ANGEL1: variants seen among roughly 807,000 people sequenced by gnomAD.
ANGEL1 encodes angel homolog 1.
Under a neutral mutation model 76.4 loss-of-function variants are expected in ANGEL1, and 62 were observed. The observed-to-expected ratio is 0.81, with a 90% CI of 0.66 to 1.00. The LOEUF (loss-of-function observed/expected upper bound fraction) is 1.00. ANGEL1 is among the 50% of genes least tolerant of loss of function. The pLI is 0.00. For missense variants in ANGEL1, 737 were observed against 836.7 expected, an observed-to-expected ratio of 0.88 and a Z score of 1.47; for synonymous variants, 340 against 331.7, an observed-to-expected ratio of 1.03 and a Z score of -0.27.
At chr14:76,802,345 CT>C (rs1317292177) in intron 7 of ANGEL1, among the ~76,000 whole-genome samples, 4 of 152,056 alleles carry the variant, frequency 2.6e-5, no homozygotes, top group African/African-American at 9.7e-5. Context: ...AGATTCCATG[CT>C]TTTCCTTTTT....
rs780768419 is a variant in ANGEL1 at position 76,809,423 on chromosome 14, C to T, written c.285G>A (p.Met95Ile). ...GLAQSSLALLMDNPGEENAAS... is the reference protein window; with the variant it reads ...GLAQSSLALLIDNPGEENAAS... ...CAGCATTCTCTTCTCCAGGATTATC[C>T]ATCAGAAGTGCCAGGCTGCTCTGGG... Residue 95 changes from methionine (M) to isoleucine (I), a missense_variant, in exon 2 of 10, where the codon ATG becomes ATA. Met to Ile is a conservative substitution (Grantham distance 10, BLOSUM62 1). Coordinates refer to ENST00000251089, the MANE Select transcript of ANGEL1 (RefSeq NM_015305.4). 3.7e-6 allele frequency: 6 copies of T among 1,614,228 alleles called. No homozygotes were observed. The highest frequency in any genetic ancestry group is 5.1e-6 in the Non-Finnish European group (6 of 1,180,042).
At chr14:76,799,749 C>A (rs994000552) in intron 7 of ANGEL1, among the ~76,000 whole-genome samples, 4 of 151,824 alleles carry the variant, frequency 2.6e-5, no homozygotes, top group African/African-American at 9.7e-5. Context: ...CTACAAAATA[C>A]AAAAATTAGC....
rs907611219 is a variant in ANGEL1, at chr14:76,789,392, G to C, written c.1853-4C>G. 1.2e-6 allele frequency: 2 copies of C among 1,614,066 alleles called. No homozygotes were observed. The highest frequency in any genetic ancestry group is 1.7e-6 in the Non-Finnish European group (2 of 1,179,984). On this transcript the variant is annotated splice_region_variant and splice_polypyrimidine_tract_variant and intron_variant, in intron 9 of 9. Coordinates refer to ENST00000251089, the MANE Select transcript of ANGEL1 (RefSeq NM_015305.4). ...CCATCTCGATACAGCCTGTGATCTG[G>C]GGCACAAAGCAGAAGCCAATGGGTA...
At chr14:76,803,596 A>C (rs1894828988) in intron 6 of ANGEL1, 115 bp from the exon 7 acceptor site, 2 of 1,353,168 alleles carry the variant, frequency 1.5e-6, no homozygotes, top group East Asian at 4.7e-5. Context: ...TTCAGAAGAC[A>C]AGGAGATTTT....
chr14:76,812,189 G>T (rs559313552), intron 1 of ANGEL1: 1 of 965,868 alleles, frequency 1.0e-6, no homozygotes, highest in Non-Finnish European at 1.2e-6. Context: ...AGTGGGGGCA[G>T]GAATGCTCCA....
intron 7 of ANGEL1, among the ~76,000 whole-genome samples, chr14:76,793,439 G>A (rs1894479426): frequency 1.9e-5 from 2 of 106,026 alleles, no homozygotes; most frequent in East Asian, 3.0e-4. Context: ...GGAGGAGGAG[G>A]AGGGGAGGAG....
Position 76,808,078 on chromosome 14 carries a change from G to A in ANGEL1, c.720C>T (p.Gly240=), listed in dbSNP as rs771320260. Residue 240 remains glycine (G), a synonymous_variant, in exon 3 of 10, where the codon GGC becomes GGT. Coordinates refer to ENST00000251089, the MANE Select transcript of ANGEL1 (RefSeq NM_015305.4). ...ACATCAGAGTGAACTGGAACTGAGG[G>A]CCATCTCCTGCCTTCAGGCCCTGAG... is the stretch of plus-strand genomic sequence containing the variant. The part of the protein sequence containing the change: ...PDAQGLKAGD[G]PQFQFTLMSY... 8.7e-6 allele frequency: 14 copies of A among 1,614,010 alleles called. No individual in the cohort carries two copies. Among genetic ancestry groups the A allele is most frequent in the Admixed American group, 5.0e-5 (3 of 60,036 alleles).
intron 1 of ANGEL1, 55 bp downstream of exon 1, chr14:76,812,709 C>T: frequency 2.0e-6 from 3 of 1,464,922 alleles, no homozygotes; most frequent in Non-Finnish European, 2.7e-6. Context: ...CCCGCGGAGC[C>T]CCGCAGAGGC....
intron 7 of ANGEL1, among the ~76,000 whole-genome samples, chr14:76,794,532 G>A (rs958886843): frequency 2.0e-5 from 3 of 151,890 alleles, no homozygotes; most frequent in Non-Finnish European, 2.9e-5. Context: ...TCAGCCAGGC[G>A]TGGTGGTGGG....
chr14:76,805,406 C>T (rs1462379164), intron 5 of ANGEL1, among the ~76,000 whole-genome samples: 3 of 152,180 alleles, frequency 2.0e-5, no homozygotes, highest in African/African-American at 4.8e-5. Context: ...TCCTTTAGGG[C>T]AAGATCATGC....
intron 7 of ANGEL1, among the ~76,000 whole-genome samples, chr14:76,799,329 T>TGTCGCC (rs999799947): frequency 9.3e-6 from 1 of 107,330 alleles, no homozygotes; most frequent in Non-Finnish European, 2.0e-5. Flanking sequence ...AGTCTTGCTC[T>TGTCGCC]GTCGCCCAGG....
Position 76,806,401 on chromosome 14 carries a change from C to A in ANGEL1, c.1380+15G>T. ...GACCATGTTCCCACCCACACCGTGGCCTCTCCCATTTCACCTTCCAGGCTG... is the reference window on the plus strand; with the variant it reads ...GACCATGTTCCCACCCACACCGTGGACTCTCCCATTTCACCTTCCAGGCTG... On this transcript the variant is annotated intron_variant, in intron 5 of 9. Transcript: ENST00000251089. 4 of 1,604,182 alleles carry A rather than the reference C, an allele frequency of 2.5e-6. No homozygotes were observed. The highest frequency in any genetic ancestry group is 3.4e-6 in the Non-Finnish European group (4 of 1,173,446).
intron 4 of ANGEL1, among the ~76,000 whole-genome samples, chr14:76,807,222 C>G (rs1894944789): frequency 6.6e-6 from 1 of 152,140 alleles, no homozygotes; most frequent in Non-Finnish European, 1.5e-5. Flanking sequence ...ACAGTCTCAC[C>G]ACATTGGTTA....
chr14:76,789,933 C>T (rs1033384914), intron 9 of ANGEL1, among the ~76,000 whole-genome samples: 17 of 150,360 alleles, frequency 1.1e-4, no homozygotes, highest in Admixed American at 1.1e-3. Flanking sequence ...GGCACGATCT[C>T]GGCTCACTGT....
intron 7 of ANGEL1, among the ~76,000 whole-genome samples, chr14:76,797,281 TA>T (rs1894609025): frequency 6.6e-6 from 1 of 152,188 alleles, no homozygotes; most frequent in African/African-American, 2.4e-5. Context: ...ACAAACAAGC[TA>T]AAAAGAACTT....
intron 7 of ANGEL1, among the ~76,000 whole-genome samples, chr14:76,798,774 C>G (rs1439238397): frequency 6.6e-6 from 1 of 151,760 alleles, no homozygotes; most frequent in African/African-American, 2.4e-5. Context: ...GTGGTGAAAC[C>G]CCGTTTCTAC....
At chr14:76,792,621 A>G (rs1894439538) in intron 7 of ANGEL1, among the ~76,000 whole-genome samples, 1 of 152,216 alleles carries the variant, frequency 6.6e-6, no homozygotes, top group Admixed American at 6.5e-5. Context: ...GCAATAGAAT[A>G]CTTAAGTTTA....
intron 1 of ANGEL1, 33 bp downstream of exon 1, chr14:76,812,731 G>C (rs768602504): frequency 2.7e-6 from 4 of 1,496,994 alleles, no homozygotes; most frequent in African/African-American, 2.9e-5. Flanking sequence ...AGCCCTGGCC[G>C]GGCTCCTGTC....
chr14:76,808,143 A>T lies in ANGEL1; in HGVS notation c.655T>A (p.Leu219Met). The change falls in exon 3 of 10, where the codon TTG becomes ATG. Residue 219 changes from leucine to methionine, a missense_variant. By Grantham distance (15) the Leu-to-Met change is conservative. This residue lies in a region of ANGEL1 where 441 missense variants were observed against 449.5 expected (regional missense o/e 0.98). Coordinates refer to ENST00000251089, the MANE Select transcript of ANGEL1 (RefSeq NM_015305.4). Reference sequence around the variant, plus strand: ...GAGAAATCCTCCCATTCTCGCCACAAAATTTCTGCAAAGGATTGGGAGAAG... The same window carrying T: ...GAGAAATCCTCCCATTCTCGCCACATAATTTCTGCAAAGGATTGGGAGAAG... ...PAVEIPYHEI[L>M]WREWEDFSTQ... 2.5e-6 allele frequency: 4 copies of T among 1,613,334 alleles called. No individual in the cohort carries two copies. Among genetic ancestry groups the T allele is most frequent in the Non-Finnish European group, 3.4e-6 (4 of 1,179,862 alleles).
Sources: allele counts gnomAD v4.1 joint callset (sites outside exome capture counted in the v4.1 genomes callset), GRCh38; gene constraint gnomAD v4.1.1; regional missense constraint gnomAD v4.1.1; transcripts MANE v1.5; gene names NCBI Gene and HGNC (gene_info 2026-07-23, HGNC 2026-07-21).